The following BMP1 variants were observed in gnomAD, a reference collection of about 807,000 sequenced individuals.
The protein encoded by BMP1 is bone morphogenetic protein 1.
In BMP1, 63 loss-of-function variants were observed where a neutral mutation model predicts 116.8. The ratio of observed to expected loss-of-function variants is 0.54; its 90% CI spans 0.44 to 0.67. The LOEUF (loss-of-function observed/expected upper bound fraction) is 0.67, where lower values mean the gene tolerates loss of function less well. Among genes scored for constraint, BMP1 ranks in the 30% least tolerant of loss-of-function variants. The pLI, the probability that BMP1 is intolerant of heterozygous loss-of-function variation, is 0.00. For missense variants in BMP1, 1,183 were observed against 1,358.9 expected (o/e 0.87, Z 2.04); for synonymous variants, 536 against 533.4 (o/e 1.00, Z -0.07).
At position 22,211,765 on chromosome 8, in the gene BMP1, G is replaced by A; in HGVS notation, c.*37G>A. On this transcript the variant is annotated 3_prime_UTR_variant, in exon 20 of 20. Transcript: ENST00000306385. ...GCAGGGGCGGGGACTGGAGCCTGCTGCCCTTGGTCGCCTAGACTGGATAGT... is the reference window on the plus strand; with the variant it reads ...GCAGGGGCGGGGACTGGAGCCTGCTACCCTTGGTCGCCTAGACTGGATAGT... 1 of 1,613,684 alleles carries A rather than the reference G, an allele frequency of 6.2e-7. No individual in the cohort carries two copies. Among genetic ancestry groups the A allele is most frequent in the Non-Finnish European group, 8.5e-7 (1 of 1,179,898 alleles).
At chr8:22,209,298 T>G in intron 18 of BMP1, 147 bp from the exon 19 acceptor site, 2 of 1,355,944 alleles carry the variant, frequency 1.5e-6, no homozygotes, top group South Asian at 2.9e-5. Context: ...AGCAATGTTC[T>G]GGGCCAGGCC....
chr8:22,172,048 G>C (rs955640532), intron 1 of BMP1, among the ~76,000 whole-genome samples: 1 of 152,210 alleles, frequency 6.6e-6, no homozygotes. Flanking sequence ...GTCTGATTCT[G>C]TATGTGATGA....
intron 19 of BMP1, among the ~76,000 whole-genome samples, chr8:22,211,030 C>A (rs1449006739): frequency 6.6e-6 from 1 of 152,236 alleles, no homozygotes; most frequent in East Asian, 1.9e-4. Flanking sequence ...GGGAGCAGAC[C>A]TTGGCCAGGT....
In BMP1 at chr8:22,179,431, T is replaced by C. The variant is rs1828547791; in HGVS notation, c.837-274T>C. On this transcript the variant is annotated intron_variant, in intron 6 of 19. Transcript: ENST00000306385. The surrounding 1 kb of genome is among the most constrained non-coding windows in gnomAD (Gnocchi z 4.6). ...GGCCAGCCTGAGCTGGGAGCACCAG[T>C]GGGTCCAAGGGCACCCTGGACCTGC... Among the ~76,000 whole-genome samples, 1 of 152,234 alleles carries C rather than the reference T, an allele frequency of 6.6e-6. No homozygotes were observed. Among genetic ancestry groups the C allele is most frequent in the African/African-American group, 2.4e-5 (1 of 41,554 alleles).
chr8:22,167,183 T>C (rs1024118638), intron 1 of BMP1, among the ~76,000 whole-genome samples: 7 of 152,198 alleles, frequency 4.6e-5, no homozygotes, highest in South Asian at 2.1e-4. Flanking sequence ...TGGTGTCTCC[T>C]TGTGCCTCTT....
intron 8 of BMP1, among the ~76,000 whole-genome samples, chr8:22,183,784 C>T (rs957147998): frequency 6.6e-6 from 1 of 152,076 alleles, no homozygotes; most frequent in South Asian, 2.1e-4. Context: ...CCATGTTGGT[C>T]AGGCTGGTCT....
chr8:22,200,013 C>T (rs1829213010), intron 15 of BMP1, among the ~76,000 whole-genome samples: 1 of 152,242 alleles, frequency 6.6e-6, no homozygotes, highest in South Asian at 2.1e-4. Flanking sequence ...TGCACAGACC[C>T]CCACCTGGCC....
chr8:22,204,559 TAA>T (rs1476996090), intron 16 of BMP1, among the ~76,000 whole-genome samples: 2 of 152,002 alleles, frequency 1.3e-5, no homozygotes, highest in Non-Finnish European at 2.9e-5. Context: ...CCGTCTCCAC[TAA>T]AAATACAAAA....
chr8:22,200,356 T>C (rs539756474), intron 15 of BMP1, among the ~76,000 whole-genome samples: 158 of 152,326 alleles, frequency 1.0e-3, no homozygotes, highest in Non-Finnish European at 2.1e-3. Flanking sequence ...CAGGTGTCCA[T>C]GCGCCTGTGT....
chr8:22,173,567 A>T (rs1234964340), intron 1 of BMP1, 35 bp from the exon 2 acceptor site: 4 of 1,544,240 alleles, frequency 2.6e-6, no homozygotes, highest in Non-Finnish European at 3.5e-6. Context: ...GGGTAGGAGG[A>T]TTAACTCAGC....
At chr8:22,167,280 C>T (rs1425384884) in intron 1 of BMP1, among the ~76,000 whole-genome samples, 26 of 152,116 alleles carry the variant, frequency 1.7e-4, no homozygotes, top group Non-Finnish European at 4.4e-5. Context: ...TAGGACCCTG[C>T]CTTCAAGGAG....
chr8:22,194,398 G>T lies in BMP1; in HGVS notation c.1298-47G>T. On this transcript the variant is annotated intron_variant, in intron 10 of 19. Coordinates refer to ENST00000306385, the MANE Select transcript of BMP1 (RefSeq NM_006129.5). This position sits in a 1 kb window ranked among gnomAD's most constrained non-coding sequence, Gnocchi z 4.5. ...GAAAAGAGCTCCCTAGCAGGGCAAA[G>T]CATGCTGACTCACCACCCCTTCCCA... The T allele has an allele frequency of 6.2e-7, 1 of 1,609,298 alleles. No individual in the cohort carries two copies. Among genetic ancestry groups the T allele is most frequent in the Non-Finnish European group, 8.5e-7 (1 of 1,177,264 alleles).
rs4463424 is a variant in BMP1 at position 22,209,342 on chromosome 8, C to T, written c.2576-103C>T. ...CCCATCACTGGCCTCGTGGCCTTCA[C>T]CCAGGCCTCCATCCTGCCGTGAGGG... is the stretch of plus-strand genomic sequence containing the variant. On this transcript the variant is annotated intron_variant, in intron 18 of 19. Coordinates refer to ENST00000306385, the MANE Select transcript of BMP1 (RefSeq NM_006129.5). 1,530,651 of 1,530,908 alleles carry T rather than the reference C, an allele frequency of 1. 765,198 individuals carry two copies. The highest frequency in any genetic ancestry group is 1 in the Middle Eastern group (5,340 of 5,340). 94.8% of individuals were successfully genotyped at this position (1,530,908 alleles called of 1,614,324 possible).
At position 22,168,108 on chromosome 8, in the gene BMP1, C is replaced by T. The variant is rs552896713; in HGVS notation, c.148+2555C>T. Among the ~76,000 whole-genome samples, 9 of 152,214 alleles carry T rather than the reference C, an allele frequency of 5.9e-5. No individual in the cohort carries two copies. The South Asian group carries it at 8.3e-4, about 14-fold the overall frequency. On this transcript the variant is annotated intron_variant, in intron 1 of 19. Transcript: ENST00000306385. Reference sequence around the variant, plus strand: ...GCCCCTTCGTTGGACCATTACTGGCCGAGTTATGGTTGCCGTTGTAGTGAG... The same window carrying T: ...GCCCCTTCGTTGGACCATTACTGGCTGAGTTATGGTTGCCGTTGTAGTGAG...
chr8:22,202,046 G>C, intron 16 of BMP1, 118 bp downstream of exon 16: 1 of 1,397,028 alleles, frequency 7.2e-7, no homozygotes, highest in Non-Finnish European at 9.5e-7. Context: ...GATCTCTAAG[G>C]CCCCCTCATT....
chr8:22,188,538 G>A (rs375349398), intron 8 of BMP1, among the ~76,000 whole-genome samples: 3 of 152,180 alleles, frequency 2.0e-5, no homozygotes, highest in Non-Finnish European at 4.4e-5. Flanking sequence ...TCACCAGCCC[G>A]GAAGCGGTGG....
intron 2 of BMP1, among the ~76,000 whole-genome samples, chr8:22,174,506 G>C (rs1828373857): frequency 6.6e-6 from 1 of 152,080 alleles, no homozygotes; most frequent in Admixed American, 6.5e-5. Flanking sequence ...TTACTGCTCT[G>C]TAGAAGGGTG....
At chr8:22,167,706 G>C (rs1828157395) in intron 1 of BMP1, among the ~76,000 whole-genome samples, 1 of 152,216 alleles carries the variant, frequency 6.6e-6, no homozygotes, top group African/African-American at 2.4e-5. Flanking sequence ...CGCTGGGCCA[G>C]GGCTGGGGGC....
Position 22,192,647 on chromosome 8 carries a change from G to A in BMP1, c.1180+496G>A, listed in dbSNP as rs1372518006. ...TGCCGAGGGCTGCACACTGGGCGCC[G>A]TGGCCCGACCTTGTCTGCATAGGAT... On this transcript the variant is annotated intron_variant, in intron 9 of 19. Transcript: ENST00000306385. Among the ~76,000 whole-genome samples the A allele has an allele frequency of 3.3e-5, 5 of 152,208 alleles. No individual in the cohort carries two copies. The South Asian group carries it at 8.3e-4, about 25-fold the overall frequency.
Sources: allele counts gnomAD v4.1 joint callset (sites outside exome capture counted in the v4.1 genomes callset), GRCh38; gene constraint gnomAD v4.1.1; non-coding constraint Gnocchi (gnomAD v3.1); transcripts MANE v1.5; gene names NCBI Gene and HGNC (gene_info 2026-07-23, HGNC 2026-07-21).